The following DNAH5 variants were observed in gnomAD, a reference collection of about 807,000 sequenced individuals.
DNAH5 encodes axonemal beta dynein heavy chain 5.
DNAH5 carries 372 observed loss-of-function variants against 518.2 expected under a neutral mutation model. The ratio of observed to expected loss-of-function variants is 0.72; its 90% confidence interval spans 0.66 to 0.78. DNAH5 has a LOEUF of 0.78. DNAH5 is among the 30% of genes least tolerant of loss of function. DNAH5 has a pLI of 0.00. For missense variants in DNAH5, 5,523 were observed against 5,687.0 expected (o/e 0.97, Z 0.93); for synonymous variants, 2,039 against 2,025.9 (o/e 1.01, Z -0.17).
intron 31 of DNAH5, among the ~76,000 whole-genome samples, chr5:13,847,421 A>G (rs1460798619): frequency 6.9e-6 from 1 of 145,118 alleles, no homozygotes; most frequent in Non-Finnish European, 1.5e-5. Context: ...GAAAAAAGAA[A>G]GAATAAAAAA....
At chr5:13,928,999 T>C (rs1444092119) in intron 2 of DNAH5, among the ~76,000 whole-genome samples, 1 of 152,130 alleles carries the variant, frequency 6.6e-6, no homozygotes, top group African/African-American at 2.4e-5. Flanking sequence ...TGGGTATATA[T>C]CCCAAAGAAT....
intron 38 of DNAH5, among the ~76,000 whole-genome samples, chr5:13,825,139 C>T (rs915252281): frequency 3.3e-5 from 5 of 152,108 alleles, no homozygotes; most frequent in Middle Eastern, 6.8e-3. Context: ...GCCAGGAGTT[C>T]GAGACCAGCC....
chr5:13,817,676 C>T lies in DNAH5; in HGVS notation c.6860G>A (p.Arg2287Gln), dbSNP rs766430786. Residue 2287 changes from arginine (R) to glutamine (Q), a missense_variant, in exon 42 of 79, where the codon CGG becomes CAG. Arg to Gln is a conservative substitution (Grantham distance 43, BLOSUM62 1). Transcript: ENST00000265104. ...CGCTTTGGGATTCATCCTCATTTCC[C>T]GATGTGGTTTTCCACAATCTATACC... is the stretch of plus-strand genomic sequence containing the variant. The part of the protein sequence containing the change: ...RAMTDCGKPH[R>Q]EMRMNPKAIT... 13 of 1,614,136 alleles carry T rather than the reference C, an allele frequency of 8.1e-6. No homozygotes were observed. Among genetic ancestry groups the T allele is most frequent in the South Asian group, 3.3e-5 (3 of 91,068 alleles).
chr5:13,892,828 G>A (rs1580774163), intron 16 of DNAH5, among the ~76,000 whole-genome samples: 1 of 152,030 alleles, frequency 6.6e-6, no homozygotes. Context: ...GGCGTATTTT[G>A]GAAGAAATAT....
intron 53 of DNAH5, among the ~76,000 whole-genome samples, chr5:13,777,919 C>T (rs1334622200): frequency 6.6e-6 from 1 of 152,146 alleles, no homozygotes; most frequent in East Asian, 1.9e-4. Flanking sequence ...TGAAATATCC[C>T]AGTCTGAAGG....
intron 34 of DNAH5, 87 bp from the exon 35 acceptor site, chr5:13,839,615 T>C: frequency 8.4e-7 from 1 of 1,187,746 alleles, no homozygotes; most frequent in Non-Finnish European, 1.2e-6. Context: ...GATCATAAAG[T>C]GAAATAAATG....
At chr5:13,821,803 A>G (rs1762275405) in intron 40 of DNAH5, among the ~76,000 whole-genome samples, 1 of 151,984 alleles carries the variant, frequency 6.6e-6, no homozygotes, top group Non-Finnish European at 1.5e-5. Flanking sequence ...ATTTTTATAT[A>G]TTTTTTAGAG....
chr5:13,736,530 G>A (rs1747464844), intron 66 of DNAH5, among the ~76,000 whole-genome samples: 1 of 151,920 alleles, frequency 6.6e-6, no homozygotes, highest in South Asian at 2.1e-4. Flanking sequence ...GAGTAGCTGG[G>A]ATTACAGGCG....
In DNAH5 at chr5:13,777,301, A is replaced by G; in HGVS notation, c.9006T>C (p.Ala3002=). ...AAGTGATTCCTTTGCCTTGCTGACC[A>G]GCTGTTCGATACAAAACCTTCAGAT... ...MEDLKVLYRT[A]GQQGKGITFI... The change falls in exon 54 of 79, where the codon GCT becomes GCC. Residue 3002 remains alanine (A), a synonymous_variant. Coordinates refer to ENST00000265104, the MANE Select transcript of DNAH5 (RefSeq NM_001369.3). The G allele has an allele frequency of 1.2e-6, 2 of 1,613,484 alleles. No homozygotes were observed. The highest frequency in any genetic ancestry group is 1.7e-6 in the Non-Finnish European group (2 of 1,179,646).
At chr5:13,778,596 A>AAGAGAGAGAGAGAGAGAAAGAAAG (rs199841746) in intron 53 of DNAH5, among the ~76,000 whole-genome samples, 22 of 102,228 alleles carry the variant, frequency 2.2e-4, no homozygotes, top group African/African-American at 8.2e-4. Flanking sequence ...GAAAGAAAGA[A>AAGAGAGAGAGAGAGAGAAAGAAAG]AGAGAGAGAG....
At position 13,691,725 on chromosome 5, in the gene DNAH5, T is replaced by C. The variant is rs1740713300; in HGVS notation, c.*259A>G. The C allele has an allele frequency of 2.1e-6, 1 of 472,292 alleles. No individual in the cohort carries two copies. Among genetic ancestry groups the C allele is most frequent in the Non-Finnish European group, 3.9e-6 (1 of 259,324 alleles). 29.3% of individuals were successfully genotyped at this position (472,292 alleles called of 1,614,324 possible). A position where few individuals can be genotyped will look rare whatever the true frequency, so the allele number is the denominator to read the frequency against. On this transcript the variant is annotated 3_prime_UTR_variant, in exon 79 of 79. Transcript: ENST00000265104. Reference sequence around the variant, plus strand: ...AGAAGAAAATATACTACTGTGGATTTGAGGGCCACACTTCATTAGGATGCT... The same window carrying C: ...AGAAGAAAATATACTACTGTGGATTCGAGGGCCACACTTCATTAGGATGCT...
At position 13,768,966 on chromosome 5, in the gene DNAH5, T is replaced by C. The variant is rs863224387; in HGVS notation, c.9891A>G (p.Ala3297=). The C allele has an allele frequency of 3.1e-6, 5 of 1,614,068 alleles. No individual in the cohort carries two copies. Among genetic ancestry groups the C allele is most frequent in the Non-Finnish European group, 4.2e-6 (5 of 1,180,008 alleles). Residue 3297 remains alanine (A), a synonymous_variant, in exon 58 of 79, where the codon GCA becomes GCG. Transcript: ENST00000265104. ...AKPALEEAEA[A]LQTIRPSDIA... ...TTATATCACATAGATGCACCTGCAATGCAGCTTCTGCCTCTTCTAAAGCTG... is the reference window on the plus strand; with the variant it reads ...TTATATCACATAGATGCACCTGCAACGCAGCTTCTGCCTCTTCTAAAGCTG...
chr5:13,911,508 G>C lies in DNAH5; in HGVS notation c.1537-15C>G. 1 of 1,555,400 alleles carries C rather than the reference G, an allele frequency of 6.4e-7. No homozygotes were observed. The highest frequency in any genetic ancestry group is 1.4e-5 in the African/African-American group (1 of 73,770). ...GCCACAATGCCCTGAAATATTATGA[G>C]ATAAATTAGATAATATTTCAATATT... On this transcript the variant is annotated splice_polypyrimidine_tract_variant and intron_variant, in intron 11 of 78. Coordinates refer to ENST00000265104, the MANE Select transcript of DNAH5 (RefSeq NM_001369.3).
Position 13,830,690 on chromosome 5 carries a change from T to C in DNAH5, c.5968A>G (p.Thr1990Ala), listed in dbSNP as rs1042174917. 1.3e-5 allele frequency: 21 copies of C among 1,614,054 alleles called. No homozygotes were observed. The highest frequency in any genetic ancestry group is 1.7e-5 in the Non-Finnish European group (20 of 1,180,034). Residue 1990 changes from threonine to alanine, a missense_variant, in exon 36 of 79, where the codon ACT becomes GCT. By Grantham distance (58) the Thr-to-Ala change is moderately conservative. Transcript: ENST00000265104. ...CCGAGGCATCGTCCCATGTCTTTAG[T>C]GGTTTCTGTTTTGCCTGTGCCTGCA... ...GPAGTGKTET[T>A]KDMGRCLGKY... is the part of the protein sequence containing the mutation.
At chr5:13,765,578 C>G (rs955617749) in intron 59 of DNAH5, among the ~76,000 whole-genome samples, 1 of 152,048 alleles carries the variant, frequency 6.6e-6, no homozygotes, top group Non-Finnish European at 1.5e-5. Flanking sequence ...AAATATTCAT[C>G]AAGTTATACA....
At chr5:13,782,403 A>G (rs2126846923) in intron 52 of DNAH5, among the ~76,000 whole-genome samples, 1 of 152,218 alleles carries the variant, frequency 6.6e-6, no homozygotes, top group Non-Finnish European at 1.5e-5. Context: ...CTCTATGTGG[A>G]CCTGAGAACC....
At chr5:13,864,713 AT>A in intron 27 of DNAH5, 76 bp from the exon 28 acceptor site, 1 of 1,513,316 alleles carries the variant, frequency 6.6e-7, no homozygotes, top group Non-Finnish European at 9.2e-7. Flanking sequence ...GTCTGCTAGT[AT>A]TTCTATTAAA....
chr5:13,814,672 G>A lies in DNAH5; in HGVS notation c.7163C>T (p.Ala2388Val), dbSNP rs866970094. 1 of 1,614,008 alleles carries A rather than the reference G, an allele frequency of 6.2e-7. No individual in the cohort carries two copies. Among genetic ancestry groups the A allele is most frequent in the Admixed American group, 1.7e-5 (1 of 60,018 alleles). The change falls in exon 43 of 79, where the codon GCC becomes GTC. Residue 2388 changes from alanine (A) to valine (V), a missense_variant. Transcript: ENST00000265104. Reference protein sequence around the residue: ...EPHNIDNASPATVSRNGMVFM... With the variant: ...EPHNIDNASPVTVSRNGMVFM... ...AACCATTCCATTTCTTGAGACGGTG[G>A]CAGGAGAAGCATTGTCAATGTTATG...
chr5:13,693,435 C>A (rs1317254033), intron 78 of DNAH5, among the ~76,000 whole-genome samples: 1 of 152,204 alleles, frequency 6.6e-6, no homozygotes, highest in Non-Finnish European at 1.5e-5. Flanking sequence ...TGTGTTTTTA[C>A]ATATCCACTA....
Sources: gnomAD v4.1 joint callset for allele counts (sites outside exome capture counted in the v4.1 genomes callset) on GRCh38, gnomAD v4.1.1 for gene constraint, MANE v1.5 for transcripts, NCBI Gene and HGNC (gene_info 2026-07-23, HGNC 2026-07-21) for gene names.